RRAGD: variants seen among roughly 807,000 people sequenced by gnomAD.
RRAGD encodes the protein ras-related GTP-binding protein D.
A neutral mutation model predicts 35.5 loss-of-function variants in RRAGD; 12 were observed. That is an observed-to-expected ratio of 0.34 (90% CI 0.22 to 0.55). The LOEUF is 0.55. Among genes scored for constraint, RRAGD ranks in the 20% least tolerant of loss-of-function variants. The pLI is 0.91. For missense variants in RRAGD, 324 were observed against 490.1 expected (o/e 0.66, Z 3.20); for synonymous variants, 155 against 178.9 (o/e 0.87, Z 1.07).
intron 1 of RRAGD, among the ~76,000 whole-genome samples, chr6:89,399,294 A>G (rs912020642): frequency 5.9e-5 from 9 of 152,240 alleles, no homozygotes; most frequent in African/African-American, 1.9e-4. Flanking sequence ...ATACACATAC[A>G]GCTGCAACAA....
chr6:89,380,321 C>CA lies in RRAGD; in HGVS notation c.490_491insT (p.Arg164MetfsTer8). On this transcript the variant is annotated frameshift_variant, in exon 3 of 7. Coordinates refer to ENST00000369415, the MANE Select transcript of RRAGD (RefSeq NM_021244.5). LOFTEE classifies it high-confidence loss of function. ...GATGTCAGTATTCACTTTGTAGGCC[C>CA]TGGTCACCGTGAGGTGGAGCCTGGC... 1 of 1,614,222 alleles carries CA rather than the reference C, an allele frequency of 6.2e-7. No homozygotes were observed. The highest frequency in any genetic ancestry group is 8.5e-7 in the Non-Finnish European group (1 of 1,180,044).
intron 2 of RRAGD, among the ~76,000 whole-genome samples, chr6:89,385,768 A>T (rs1769128408): frequency 6.6e-6 from 1 of 152,178 alleles, no homozygotes; most frequent in Admixed American, 6.5e-5. Flanking sequence ...GAACCCTTCT[A>T]ACCATTGGCC....
chr6:89,396,507 C>T (rs1377998365), intron 1 of RRAGD, among the ~76,000 whole-genome samples: 4 of 151,680 alleles, frequency 2.6e-5, no homozygotes, highest in African/African-American at 9.7e-5. Context: ...CTCACTGCAA[C>T]CTCCACCTCT....
chr6:89,375,982 G>T (rs890642024), intron 5 of RRAGD, among the ~76,000 whole-genome samples: 1 of 152,198 alleles, frequency 6.6e-6, no homozygotes, highest in Non-Finnish European at 1.5e-5. Context: ...ACATTGTTAA[G>T]CATGTGCCAG....
At chr6:89,382,650 C>T (rs1445453329) in intron 2 of RRAGD, among the ~76,000 whole-genome samples, 2 of 151,732 alleles carry the variant, frequency 1.3e-5, no homozygotes, top group African/African-American at 2.4e-5. Context: ...CCAAGGCGGG[C>T]AGATCACGAG....
intron 1 of RRAGD, among the ~76,000 whole-genome samples, chr6:89,391,956 C>CAAAAAAA (rs5878093): frequency 2.0e-5 from 2 of 99,124 alleles, no homozygotes; most frequent in African/African-American, 3.8e-5. Flanking sequence ...GACCCTATCT[C>CAAAAAAA]AAAAAAAAAA....
chr6:89,404,600 A>G (rs1769541984), intron 1 of RRAGD, among the ~76,000 whole-genome samples: 1 of 152,164 alleles, frequency 6.6e-6, no homozygotes, highest in South Asian at 2.1e-4. Flanking sequence ...GAACAGCACT[A>G]TGGGGAGGGG....
chr6:89,399,816 C>T (rs886067481), intron 1 of RRAGD, among the ~76,000 whole-genome samples: 15 of 145,380 alleles, frequency 1.0e-4, no homozygotes, highest in African/African-American at 3.9e-4. Context: ...GTTGCCCAGG[C>T]TGGTCTGAAA....
chr6:89,404,589 G>C (rs541884429), intron 1 of RRAGD, among the ~76,000 whole-genome samples: 1 of 152,264 alleles, frequency 6.6e-6, no homozygotes, highest in East Asian at 1.9e-4. Flanking sequence ...AATCACCCAA[G>C]GAACAGCACT....
At chr6:89,369,032 A>T (rs934836249) in intron 6 of RRAGD, among the ~76,000 whole-genome samples, 2 of 150,694 alleles carry the variant, frequency 1.3e-5, no homozygotes, top group African/African-American at 4.9e-5. Flanking sequence ...TCTATCTATC[A>T]GTGGATGCTT....
intron 5 of RRAGD, among the ~76,000 whole-genome samples, chr6:89,373,072 C>T (rs779691113): frequency 6.6e-6 from 1 of 152,146 alleles, no homozygotes; most frequent in Non-Finnish European, 1.5e-5. Context: ...ATCTGAATAT[C>T]GTCTATATAT....
intron 6 of RRAGD, among the ~76,000 whole-genome samples, chr6:89,370,087 T>C (rs1187270087): frequency 6.6e-6 from 1 of 152,170 alleles, no homozygotes; most frequent in Non-Finnish European, 1.5e-5. Context: ...CCTTTAGCCC[T>C]GACTGCCATA....
At chr6:89,390,701 C>T (rs1769217358) in intron 1 of RRAGD, among the ~76,000 whole-genome samples, 1 of 152,128 alleles carries the variant, frequency 6.6e-6, no homozygotes, top group African/African-American at 2.4e-5. Context: ...AGTTTGAGAC[C>T]AGCCTGGCCA....
chr6:89,371,921 T>C (rs1215735310), intron 6 of RRAGD, among the ~76,000 whole-genome samples: 1 of 152,244 alleles, frequency 6.6e-6, no homozygotes, highest in Non-Finnish European at 1.5e-5. Context: ...TCCGGAATCA[T>C]GATGCCATCC....
Position 89,411,817 on chromosome 6 carries a change from A to G in RRAGD, c.148+29T>C. ...GCGCCAAGGGGAGGAAAGGGGCGCG[A>G]GCCGAGGACGCGGGGGCCGGGCGCT... On this transcript the variant is annotated intron_variant, in intron 1 of 6. Transcript: ENST00000369415. This position sits in a 1 kb window ranked among gnomAD's most constrained non-coding sequence, Gnocchi z 5.6. The G allele has an allele frequency of 7.1e-6, 11 of 1,538,646 alleles. No homozygotes were observed. The highest frequency in any genetic ancestry group is 9.6e-6 in the Non-Finnish European group (11 of 1,146,940).
At position 89,380,362 on chromosome 6, in the gene RRAGD, A is replaced by G. The variant is rs1304045556; in HGVS notation, c.450T>C (p.Asp150=). ...ALIFVIDSQD[D]YMEALARLHL... is the part of the protein sequence containing the mutation. ...GGAGCCTGGCCAGGGCTTCCATGTAATCATCCTAGGACCAAAGGCAACGCC... is the reference window on the plus strand; with the variant it reads ...GGAGCCTGGCCAGGGCTTCCATGTAGTCATCCTAGGACCAAAGGCAACGCC... The change falls in exon 3 of 7, where the codon GAT becomes GAC. Residue 150 remains aspartate (D), a synonymous_variant. Transcript: ENST00000369415. 3.7e-6 allele frequency: 6 copies of G among 1,613,868 alleles called. No individual in the cohort carries two copies. Among genetic ancestry groups the G allele is most frequent in the Admixed American group, 1.7e-5 (1 of 59,994 alleles).
At chr6:89,389,166 C>G (rs1377597646) in intron 1 of RRAGD, among the ~76,000 whole-genome samples, 1 of 152,096 alleles carries the variant, frequency 6.6e-6, no homozygotes, top group Non-Finnish European at 1.5e-5. Flanking sequence ...ACAGAAAGTT[C>G]TAGAGGCCAG....
At chr6:89,393,415 C>T (rs1419282005) in intron 1 of RRAGD, among the ~76,000 whole-genome samples, 1 of 152,192 alleles carries the variant, frequency 6.6e-6, no homozygotes, top group Non-Finnish European at 1.5e-5. Flanking sequence ...AGCAGATAAA[C>T]TCTGTGCACC....
chr6:89,412,075 A>G lies in RRAGD; in HGVS notation c.-82T>C, dbSNP rs1326093949. 34 of 1,371,824 alleles carry G rather than the reference A, an allele frequency of 2.5e-5. No individual in the cohort carries two copies. Among genetic ancestry groups the G allele is most frequent in the South Asian group, 1.0e-4 (7 of 69,512 alleles). The allele number at this position is 1,371,824 out of a possible 1,614,324, so 85.0% of individuals were successfully genotyped here. A position where few individuals can be genotyped will look rare whatever the true frequency, so the allele number is the denominator to read the frequency against. ...CCTCCTAGCCGGCCGCCCGCAGCCT[A>G]TTTCTGAAGCGGAGGTTTGTCTAGA... On this transcript the variant is annotated 5_prime_UTR_variant, in exon 1 of 7. Transcript: ENST00000369415. This position sits in a 1 kb window ranked among gnomAD's most constrained non-coding sequence, Gnocchi z 4.2.
Sources: gnomAD v4.1 joint callset for allele counts (sites outside exome capture counted in the v4.1 genomes callset) on GRCh38, gnomAD v4.1.1 for gene constraint, Gnocchi (gnomAD v3.1) non-coding constraint, MANE v1.5 for transcripts, NCBI Gene and HGNC (gene_info 2026-07-23, HGNC 2026-07-21) for gene names.